Variants in CACNA2D1 observed in about 807,000 individuals in gnomAD.
The protein encoded by CACNA2D1 is voltage-dependent calcium channel subunit alpha-2/delta-1.
CACNA2D1 carries 53 observed loss-of-function variants against 171.5 expected under a neutral mutation model. The ratio of observed to expected loss-of-function variants is 0.31; its 90% CI spans 0.25 to 0.39. CACNA2D1 has a LOEUF of 0.39. Among genes scored for constraint, CACNA2D1 ranks in the 10% least tolerant of loss-of-function variants. The pLI, the probability that CACNA2D1 is intolerant of heterozygous loss-of-function variation, is 1.00. For synonymous variants in CACNA2D1, 442 were observed against 443.1 expected, an observed-to-expected ratio of 1.00 and a Z score of 0.03; for missense variants, 903 against 1,299.8, an observed-to-expected ratio of 0.69 and a Z score of 4.69.
intron 32 of CACNA2D1, among the ~76,000 whole-genome samples, chr7:81,965,111 G>A (rs1794581608): frequency 6.6e-6 from 1 of 151,788 alleles, no homozygotes; most frequent in South Asian, 2.1e-4. Context: ...CAAAGCCCAG[G>A]GTTGAGATAT....
In CACNA2D1 at chr7:82,297,440, C is replaced by G. The variant is rs1172701850; in HGVS notation, c.294+37695G>C. Among the ~76,000 whole-genome samples, 3 of 152,216 alleles carry G rather than the reference C, an allele frequency of 2.0e-5. No individual in the cohort carries two copies. The East Asian group carries it at 5.8e-4, about 29-fold the overall frequency. On this transcript the variant is annotated intron_variant, in intron 3 of 38. Coordinates refer to ENST00000356860, the MANE Select transcript of CACNA2D1 (RefSeq NM_000722.4). ...ATCACTTGTTTTCAGTTGGTAACTTCACATAATTAGAAGTGTGTTTCTTCT... is the reference window on the plus strand; with the variant it reads ...ATCACTTGTTTTCAGTTGGTAACTTGACATAATTAGAAGTGTGTTTCTTCT...
rs866445276 is a variant in CACNA2D1 at position 82,249,053 on chromosome 7, T to C, written c.295-78444A>G. 1.6e-4 allele frequency among the ~76,000 whole-genome samples: 25 copies of C among 151,622 alleles called. No homozygotes were observed. The Middle Eastern group carries it at 0.014, about 83-fold the overall frequency. ...AATGGCGTAACCTGGAAAGCGGAGTTTGCAGTGAGCTGAGATCGCGCCACT... is the reference window on the plus strand; with the variant it reads ...AATGGCGTAACCTGGAAAGCGGAGTCTGCAGTGAGCTGAGATCGCGCCACT... On this transcript the variant is annotated intron_variant, in intron 3 of 38. Transcript: ENST00000356860.
chr7:82,268,142 G>A (rs755635784), intron 3 of CACNA2D1, among the ~76,000 whole-genome samples: 28 of 152,260 alleles, frequency 1.8e-4, no homozygotes, highest in Non-Finnish European at 2.4e-4. Context: ...AAAAATCTAC[G>A]TTTGGCATAA....
chr7:82,324,232 C>G (rs1816346947), intron 3 of CACNA2D1, among the ~76,000 whole-genome samples: 2 of 151,756 alleles, frequency 1.3e-5, no homozygotes, highest in South Asian at 4.2e-4. Context: ...GTGGTGGGTG[C>G]CTGTAATCCC....
At chr7:82,298,109 G>A (rs993273830) in intron 3 of CACNA2D1, among the ~76,000 whole-genome samples, 11 of 151,902 alleles carry the variant, frequency 7.2e-5, no homozygotes, top group Non-Finnish European at 1.0e-4. Flanking sequence ...TATACACACC[G>A]ACTGGTAATT....
chr7:81,989,400 G>A (rs568980672), intron 21 of CACNA2D1, among the ~76,000 whole-genome samples: 9 of 152,166 alleles, frequency 5.9e-5, no homozygotes, highest in African/African-American at 1.4e-4. Flanking sequence ...CAGAAATAAC[G>A]ATAGACGATG....
chr7:82,110,142 A>C (rs1243222617), intron 6 of CACNA2D1, among the ~76,000 whole-genome samples: 1 of 152,170 alleles, frequency 6.6e-6, no homozygotes, highest in Admixed American at 6.5e-5. Flanking sequence ...TAAAGATGGA[A>C]AAGATTACAA....
At chr7:81,980,625 A>G (rs1796349854) in intron 24 of CACNA2D1, among the ~76,000 whole-genome samples, 1 of 151,592 alleles carries the variant, frequency 6.6e-6, no homozygotes, top group Non-Finnish European at 1.5e-5. Flanking sequence ...CTCTCTGGTT[A>G]CAGAACAGAG....
intron 3 of CACNA2D1, among the ~76,000 whole-genome samples, chr7:82,325,263 A>C (rs1021639656): frequency 3.9e-5 from 6 of 152,186 alleles, no homozygotes; most frequent in Admixed American, 6.5e-5. Context: ...GGATTTCAAA[A>C]ATCAGGAGGC....
rs998482426 is a variant in CACNA2D1 at position 81,950,310 on chromosome 7, C to G, written c.*82G>C. On this transcript the variant is annotated 3_prime_UTR_variant, in exon 39 of 39. Transcript: ENST00000356860. ...AATGTTTGTCTGATTTTATAGCTGACCCTACGTTACTGTAATTGAGGGCAG... is the reference window on the plus strand; with the variant it reads ...AATGTTTGTCTGATTTTATAGCTGAGCCTACGTTACTGTAATTGAGGGCAG... 8.7e-6 allele frequency: 14 copies of G among 1,611,338 alleles called. No homozygotes were observed. The Middle Eastern group carries it at 1.5e-3, about 172-fold the overall frequency.
At chr7:82,106,761 A>C (rs966650097) in intron 6 of CACNA2D1, among the ~76,000 whole-genome samples, 2 of 152,212 alleles carry the variant, frequency 1.3e-5, no homozygotes, top group Non-Finnish European at 2.9e-5. Flanking sequence ...GCACTGAGAA[A>C]TATCAGCTCT....
chr7:82,190,426 A>G (rs939156760), intron 3 of CACNA2D1, among the ~76,000 whole-genome samples: 4 of 151,826 alleles, frequency 2.6e-5, no homozygotes, highest in Admixed American at 2.6e-4. Context: ...TTTGCTATCA[A>G]TCAAAGATGC....
At chr7:82,138,055 TA>T (rs1180931469) in intron 4 of CACNA2D1, among the ~76,000 whole-genome samples, 3 of 152,168 alleles carry the variant, frequency 2.0e-5, no homozygotes, top group Admixed American at 6.5e-5. Context: ...TAGAATATAA[TA>T]AAGTTAAAAT....
At chr7:82,193,201 G>T (rs1051523347) in intron 3 of CACNA2D1, among the ~76,000 whole-genome samples, 43 of 152,014 alleles carry the variant, frequency 2.8e-4, no homozygotes, top group South Asian at 6.2e-4. Flanking sequence ...AAACAGGTAC[G>T]ATAAATAATT....
rs148668337 is a variant in CACNA2D1, at chr7:82,383,446, GGAA to G, written c.96-33800_96-33798del. Among the ~76,000 whole-genome samples the G allele has an allele frequency of 3.3e-3, 506 of 152,270 alleles. 1 individual carries two copies. Among genetic ancestry groups the G allele is most frequent in the African/African-American group, 0.012 (493 of 41,556 alleles). ...AGCAAAAATGTAGACATAGAAAGTAGGAAGAAGATTTGTAATAGTTACATGGGA... is the reference window on the plus strand; with the variant it reads ...AGCAAAAATGTAGACATAGAAAGTAGGAAGATTTGTAATAGTTACATGGGA... On this transcript the variant is annotated intron_variant, in intron 1 of 38. Transcript: ENST00000356860.
At chr7:82,355,775 T>C (rs145157503) in intron 1 of CACNA2D1, among the ~76,000 whole-genome samples, 60 of 151,932 alleles carry the variant, frequency 3.9e-4, no homozygotes, top group African/African-American at 1.4e-3. Flanking sequence ...TTACCTGCCA[T>C]TCTCCTTCCT....
At chr7:81,970,144 A>G (rs1377876447) in intron 27 of CACNA2D1, among the ~76,000 whole-genome samples, 160 bp from the exon 28 acceptor site, 1 of 151,424 alleles carries the variant, frequency 6.6e-6, no homozygotes, top group Non-Finnish European at 1.5e-5. Flanking sequence ...TTACTGAGCA[A>G]TGCATCAGCA....
At chr7:82,065,513 G>T (rs1446956642) in intron 8 of CACNA2D1, among the ~76,000 whole-genome samples, 1 of 152,166 alleles carries the variant, frequency 6.6e-6, no homozygotes, top group Non-Finnish European at 1.5e-5. Flanking sequence ...TCCACAGGAA[G>T]AATATGTAAA....
At chr7:82,081,991 T>A (rs1467293042) in intron 7 of CACNA2D1, among the ~76,000 whole-genome samples, 1 of 152,176 alleles carries the variant, frequency 6.6e-6, no homozygotes, top group Non-Finnish European at 1.5e-5. Context: ...GCACCTCAAA[T>A]GCGGAAACGT....
Sources: gnomAD v4.1 joint callset for allele counts (sites outside exome capture counted in the v4.1 genomes callset) on GRCh38, gnomAD v4.1.1 for gene constraint, MANE v1.5 for transcripts, NCBI Gene and HGNC (gene_info 2026-07-23, HGNC 2026-07-21) for gene names.